Variants in LRP2 observed in about 807,000 individuals in gnomAD.
The protein encoded by LRP2 is low-density lipoprotein receptor-related protein 2.
A neutral mutation model predicts 531.0 loss-of-function variants in LRP2; 172 were observed. The observed-to-expected ratio is 0.32, with a 90% CI of 0.29 to 0.37. The LOEUF (loss-of-function observed/expected upper bound fraction) is 0.37, where lower values mean the gene tolerates loss of function less well. LRP2 is among the 10% of genes least tolerant of loss of function. The pLI is 1.00. For synonymous variants in LRP2, 1,992 were observed against 2,027.6 expected, an observed-to-expected ratio of 0.98 and a Z score of 0.47; for missense variants, 5,167 against 5,868.3, an observed-to-expected ratio of 0.88 and a Z score of 3.90.
intron 17 of LRP2, 119 bp downstream of exon 17, chr2:169,258,906 C>G (rs1340673759): frequency 1.5e-5 from 13 of 894,468 alleles, no homozygotes; most frequent in African/African-American, 3.4e-5. Flanking sequence ...AAGGTGATTT[C>G]AACTTATACA....
At chr2:169,148,841 T>TA (rs139450003) in intron 68 of LRP2, among the ~76,000 whole-genome samples, 10,394 of 152,226 alleles carry the variant, frequency 0.068, 821 homozygotes, top group African/African-American at 0.19. Flanking sequence ...GACATCCATC[T>TA]AGGTTCTATG....
rs1159899949 is a variant in LRP2 at position 169,270,940 on chromosome 2, T to C, written c.2284A>G (p.Lys762Glu). The change falls in exon 16 of 79, where the codon AAA becomes GAA. Residue 762 changes from lysine to glutamate, a missense_variant. Physicochemically the swap from Lys to Glu is moderately conservative, Grantham distance 56. This residue lies in a region of LRP2 where 2,811 missense variants were observed against 3,058.0 expected (regional missense o/e 0.92). Transcript: ENST00000649046. ...ATCTTTTGCTTAAAAATCATGTGTT[T>C]TGACATATCTGAAAAAAAGATAGTG... ...DSTIFFSDMS[K>E]HMIFKQKIDG... The C allele has an allele frequency of 1.9e-6, 3 of 1,613,030 alleles. No homozygotes were observed. The highest frequency in any genetic ancestry group is 8.5e-7 in the Non-Finnish European group (1 of 1,179,598).
chr2:169,331,907 A>C (rs778632383), intron 1 of LRP2, among the ~76,000 whole-genome samples: 1 of 152,228 alleles, frequency 6.6e-6, no homozygotes, highest in Admixed American at 6.5e-5. Flanking sequence ...GAAAATGGAC[A>C]TTCATGAGAA....
At chr2:169,224,757 T>C (rs552094952) in intron 33 of LRP2, among the ~76,000 whole-genome samples, 7 of 152,186 alleles carry the variant, frequency 4.6e-5, no homozygotes, top group African/African-American at 9.7e-5. Context: ...TATTGATAAT[T>C]AGGAGGAAAC....
rs750078147 is a variant in LRP2, at chr2:169,140,552, GA to G, written c.13109-8del. On this transcript the variant is annotated splice_region_variant and splice_polypyrimidine_tract_variant and intron_variant, in intron 71 of 78. Transcript: ENST00000649046. ...TTGATAGGCAGTTCGATGGCTGCAG[GA>G]AGGGAAAGCCATGCAGGTGTTAGTC... 1 of 1,604,062 alleles carries G rather than the reference GA, an allele frequency of 6.2e-7. No homozygotes were observed. The highest frequency in any genetic ancestry group is 8.5e-7 in the Non-Finnish European group (1 of 1,170,952).
chr2:169,174,256 G>T, intron 55 of LRP2, 92 bp from the exon 56 acceptor site: 1 of 1,518,236 alleles, frequency 6.6e-7, no homozygotes, highest in Non-Finnish European at 9.1e-7. Flanking sequence ...GCAGGATCAT[G>T]ATTTCTTTTT....
At chr2:169,143,984 G>A (rs1685818604) in intron 70 of LRP2, among the ~76,000 whole-genome samples, 1 of 152,180 alleles carries the variant, frequency 6.6e-6, no homozygotes, top group South Asian at 2.1e-4. Context: ...CCTCCAGAGT[G>A]GAGATTTTCA....
At position 169,176,502 on chromosome 2, in the gene LRP2, G is replaced by A. The variant is rs1017015800; in HGVS notation, c.10480C>T (p.Pro3494Ser). 1.9e-6 allele frequency: 3 copies of A among 1,614,070 alleles called. No individual in the cohort carries two copies. In the African/African-American group the frequency reaches 4.0e-5, roughly 22 times the overall value. The change falls in exon 54 of 79, where the codon CCA (proline) becomes TCA (serine). Residue 3494 changes from proline (P) to serine (S), a missense_variant. Pro to Ser is a moderately conservative substitution (Grantham distance 74). Transcript: ENST00000649046. ...AGCTGAAGGGTGCGGAAGTCATCTG[G>A]ACACTCGCAAGTGAACCCTTTTCCT... ...PGGKGFTCEC[P>S]DDFRTLQLSG...
chr2:169,307,281 G>A lies in LRP2; in HGVS notation c.427C>T (p.Gln143Ter). The change falls in exon 4 of 79, where the codon CAG becomes TAG. Residue 143 changes from glutamine to a stop codon, truncating the protein, a stop_gained and splice_region_variant. Coordinates refer to ENST00000649046, the MANE Select transcript of LRP2 (RefSeq NM_004525.3). LOFTEE classifies it high-confidence loss of function. Reference protein sequence around the residue: ...CPDGADENDCQYPTCEQLTCD... With the variant: ...CPDGADENDC ...AGTGCAAGGACTAAAACAGACTCAC[G>A]GCAGTCATTCTCATCAGCTCCATCG... The A allele has an allele frequency of 6.2e-7, 1 of 1,603,434 alleles. No individual in the cohort carries two copies. Among genetic ancestry groups the A allele is most frequent in the Non-Finnish European group, 8.5e-7 (1 of 1,170,260 alleles).
At chr2:169,201,954 G>A (rs1688217758) in intron 43 of LRP2, 84 bp from the exon 44 acceptor site, 3 of 1,554,382 alleles carry the variant, frequency 1.9e-6, no homozygotes, top group African/African-American at 1.4e-5. Flanking sequence ...AAATAAAAGA[G>A]ACACTTTGAA....
At chr2:169,213,206 C>A (rs1284508409) in intron 36 of LRP2, among the ~76,000 whole-genome samples, 1 of 152,092 alleles carries the variant, frequency 6.6e-6, no homozygotes, top group Non-Finnish European at 1.5e-5. Flanking sequence ...ACTAAAAATT[C>A]CATCCCATTA....
chr2:169,177,563 G>T (rs1488752054), intron 53 of LRP2, among the ~76,000 whole-genome samples: 1 of 151,588 alleles, frequency 6.6e-6, no homozygotes, highest in Non-Finnish European at 1.5e-5. Flanking sequence ...AAAAAAAAAA[G>T]ATGATCTTGA....
intron 42 of LRP2, 74 bp downstream of exon 42, chr2:169,203,908 A>T (rs1688287185): frequency 6.6e-7 from 1 of 1,504,590 alleles, no homozygotes; most frequent in African/African-American, 1.4e-5. Flanking sequence ...TCCTGTGAGA[A>T]CTTCAGCTTT....
Position 169,178,039 on chromosome 2 carries a change from G to A in LRP2, c.10170-13C>T. ...CAAATCAGAGTACCTGCAGCAGTAA[G>A]CAGAAACAGTTATGTGATAAAGGTA... On this transcript the variant is annotated splice_polypyrimidine_tract_variant and intron_variant, in intron 52 of 78. Transcript: ENST00000649046. 6.3e-7 allele frequency: 1 copy of A among 1,588,530 alleles called. No homozygotes were observed. The highest frequency in any genetic ancestry group is 1.3e-5 in the African/African-American group (1 of 74,554).
intron 1 of LRP2, among the ~76,000 whole-genome samples, chr2:169,341,320 AAAAATT>A (rs775885282): frequency 1.3e-5 from 2 of 152,296 alleles, no homozygotes; most frequent in African/African-American, 2.4e-5. Context: ...TGAAGTAAAA[AAAAATT>A]AAAATTAAAA....
chr2:169,172,248 C>A, intron 57 of LRP2, 114 bp from the exon 58 acceptor site: 4 of 1,241,988 alleles, frequency 3.2e-6, no homozygotes, highest in Non-Finnish European at 4.6e-6. Flanking sequence ...TCTTGAAGCT[C>A]CCAAAGAGAG....
intron 11 of LRP2, among the ~76,000 whole-genome samples, 169 bp from the exon 12 acceptor site, chr2:169,279,764 A>G (rs1177107819): frequency 2.0e-5 from 3 of 152,234 alleles, no homozygotes; most frequent in Non-Finnish European, 4.4e-5. Context: ...TATTAATGGT[A>G]TAATAAAATG....
chr2:169,186,058 C>A, intron 49 of LRP2, 39 bp from the exon 50 acceptor site: 1 of 1,568,344 alleles, frequency 6.4e-7, no homozygotes, highest in South Asian at 1.1e-5. Context: ...CCTAAAATAT[C>A]AACGACCAAC....
chr2:169,347,588 G>GAAA (rs141749952), intron 1 of LRP2, among the ~76,000 whole-genome samples: 1 of 141,722 alleles, frequency 7.1e-6, no homozygotes, highest in South Asian at 2.2e-4. Context: ...ATTATAGAGG[G>GAAA]AAAAAAAAAA....
Sources: allele counts gnomAD v4.1 joint callset (sites outside exome capture counted in the v4.1 genomes callset), GRCh38; gene constraint gnomAD v4.1.1; regional missense constraint gnomAD v4.1.1; transcripts MANE v1.5; gene names NCBI Gene and HGNC (gene_info 2026-07-23, HGNC 2026-07-21).